The following BAZ2A variants were observed in gnomAD, a reference collection of about 807,000 sequenced individuals.
The protein encoded by BAZ2A is bromodomain adjacent to zinc finger domain protein 2A.
A neutral mutation model predicts 199.9 loss-of-function variants in BAZ2A; 34 were observed. The observed-to-expected ratio is 0.17, with a 90% CI of 0.13 to 0.23. The LOEUF (loss-of-function observed/expected upper bound fraction) is 0.23, where lower values mean the gene tolerates loss of function less well. BAZ2A is among the 10% of genes least tolerant of loss of function. The probability of loss-of-function intolerance (pLI) is 1.00; values close to 1 mark genes in which losing one functional copy is unlikely to be tolerated. For missense variants in BAZ2A, 2,002 were observed against 2,391.1 expected (o/e 0.84, Z 3.39); for synonymous variants, 857 against 883.9 (o/e 0.97, Z 0.54).
chr12:56,605,642 G>A (rs1950322470), intron 13 of BAZ2A, 188 bp downstream of exon 13: 3 of 696,296 alleles, frequency 4.3e-6, no homozygotes, highest in Admixed American at 3.1e-5. Context: ...GGCTGGTCTT[G>A]AACTGCTGGG....
upstream of BAZ2A, among the ~76,000 whole-genome samples, chr12:56,633,727 T>TTTTG (rs551108654): frequency 2.7e-5 from 4 of 150,660 alleles, no homozygotes; most frequent in Non-Finnish European, 4.4e-5. Context: ...CTTCCCCCAC[T>TTTTG]TTTGTTTGTT....
intron 7 of BAZ2A, among the ~76,000 whole-genome samples, chr12:56,611,014 C>T (rs762338537): frequency 5.3e-5 from 8 of 152,178 alleles, no homozygotes; most frequent in Non-Finnish European, 7.4e-5. Context: ...CTAAGACTAA[C>T]TCTAATCTTT....
chr12:56,630,792 C>A (rs1951288504), upstream of BAZ2A: 1 of 985,518 alleles, frequency 1.0e-6, no homozygotes, highest in South Asian at 4.7e-5. Flanking sequence ...CCCTTCAGTG[C>A]AGCCTGGTCC....
chr12:56,613,839 T>C, intron 4 of BAZ2A, 114 bp downstream of exon 4: 2 of 1,172,780 alleles, frequency 1.7e-6, no homozygotes, highest in South Asian at 1.6e-5. Flanking sequence ...TAGGCCTACC[T>C]GGAAGCCCCA....
Position 56,605,813 on chromosome 12 carries a change from T to TA in BAZ2A, c.2493+16dup. On this transcript the variant is annotated intron_variant, in intron 13 of 28. Coordinates refer to ENST00000549884, the MANE Select transcript of BAZ2A (RefSeq NM_001300905.2). The stretch of plus-strand genomic sequence containing the variant: ...TCTTCCCAGCTGACCCAGGAACTGT[T>TA]ACTCTCTCCTCACTACCTGGTGGTC... 6.2e-7 allele frequency: 1 copy of TA among 1,600,786 alleles called. No individual in the cohort carries two copies. The highest frequency in any genetic ancestry group is 8.5e-7 in the Non-Finnish European group (1 of 1,173,156).
intron 10 of BAZ2A, 27 bp from the exon 11 acceptor site, chr12:56,606,760 CAAGT>C (rs1309820178): frequency 6.3e-7 from 1 of 1,594,044 alleles, no homozygotes; most frequent in Non-Finnish European, 8.6e-7. Flanking sequence ...AAAAATGAAA[CAAGT>C]GAGGCAGGAA....
Position 56,596,239 on chromosome 12 carries a change from T to C in BAZ2A, c.*2379A>G, listed in dbSNP as rs1160538363. 6.5e-6 allele frequency: 1 copy of C among 152,744 alleles called. No individual in the cohort carries two copies. The highest frequency in any genetic ancestry group is 2.4e-5 in the African/African-American group (1 of 41,480). The allele number at this position is 152,744 out of a possible 1,614,324, so 9.5% of individuals were successfully genotyped here. A position where few individuals can be genotyped will look rare whatever the true frequency, so the allele number is the denominator to read the frequency against. ...GGTTTCTTCCTGTCAACCAGACTGATGGGAGGGAAGCAAAAGGGCAGGGGG... is the reference window on the plus strand; with the variant it reads ...GGTTTCTTCCTGTCAACCAGACTGACGGGAGGGAAGCAAAAGGGCAGGGGG... On this transcript the variant is annotated 3_prime_UTR_variant, in exon 29 of 29. Transcript: ENST00000549884.
rs1886081246 is a variant in BAZ2A, at chr12:56,598,684, G to A, written c.5646C>T (p.His1882=). 1 of 1,613,850 alleles carries A rather than the reference G, an allele frequency of 6.2e-7. No individual in the cohort carries two copies. The highest frequency in any genetic ancestry group is 8.5e-7 in the Non-Finnish European group (1 of 1,179,840). The part of the protein sequence containing the change: ...EDDSEVGKAG[H]IMRRFFESRW... ...GGCTCTCGAAGAAGCGGCGCATGAT[G>A]TGCCCAGCCTTGCCTACTTCAGAGT... Residue 1882 remains histidine, a synonymous_variant, in exon 29 of 29, where the codon CAC becomes CAT. Transcript: ENST00000549884.
chr12:56,621,506 TCTA>T (rs1343080744), intron 1 of BAZ2A, among the ~76,000 whole-genome samples: 2 of 152,092 alleles, frequency 1.3e-5, no homozygotes, highest in African/African-American at 4.8e-5. Flanking sequence ...AAATCCCAAC[TCTA>T]CTATTTACTA....
At chr12:56,626,162 C>T (rs192874004) in intron 1 of BAZ2A, among the ~76,000 whole-genome samples, 2 of 152,166 alleles carry the variant, frequency 1.3e-5, no homozygotes, top group Non-Finnish European at 2.9e-5. Flanking sequence ...GTCCTACTGA[C>T]CCACATGAGA....
intron 12 of BAZ2A, 39 bp downstream of exon 12, chr12:56,606,208 C>T: frequency 6.2e-7 from 1 of 1,612,968 alleles, no homozygotes; most frequent in Non-Finnish European, 8.5e-7. Flanking sequence ...AGTTTAGTGG[C>T]TTCGAAATTA....
At chr12:56,631,588 C>T (rs1167615506), upstream of BAZ2A, among the ~76,000 whole-genome samples, 1 of 152,142 alleles carries the variant, frequency 6.6e-6, no homozygotes, top group Non-Finnish European at 1.5e-5. Flanking sequence ...ACCAGGTTTC[C>T]TTTCCTTGCA....
chr12:56,608,147 C>T (rs1052012885), intron 10 of BAZ2A, among the ~76,000 whole-genome samples: 7 of 150,516 alleles, frequency 4.7e-5, no homozygotes, highest in Non-Finnish European at 7.4e-5. Flanking sequence ...TCGAGGTGGG[C>T]GGATCACGAG....
chr12:56,632,961 C>A (rs1238410623), upstream of BAZ2A, among the ~76,000 whole-genome samples: 1 of 152,156 alleles, frequency 6.6e-6, no homozygotes, highest in Non-Finnish European at 1.5e-5. Flanking sequence ...TGATCACCCA[C>A]CCACCTCTCT....
chr12:56,622,214 C>G (rs1321217254), intron 1 of BAZ2A, among the ~76,000 whole-genome samples: 16 of 151,996 alleles, frequency 1.1e-4, no homozygotes, highest in Admixed American at 1.0e-3. Context: ...GTGGCGGGCA[C>G]CTGTAATCCC....
At chr12:56,604,371 GA>G in intron 15 of BAZ2A, 80 bp from the exon 16 acceptor site, 3 of 1,445,256 alleles carry the variant, frequency 2.1e-6, no homozygotes, top group Non-Finnish European at 9.5e-7. Context: ...GGCTGCAGCT[GA>G]AAAAGGAGTT....
chr12:56,608,120 C>T (rs1950425804), intron 10 of BAZ2A, among the ~76,000 whole-genome samples: 1 of 149,982 alleles, frequency 6.7e-6, no homozygotes, highest in African/African-American at 2.5e-5. Context: ...CACCTGTAAT[C>T]CCAGCACTTT....
At position 56,598,945 on chromosome 12, in the gene BAZ2A, A is replaced by G; in HGVS notation, c.5469T>C (p.Arg1823=). 1 of 1,609,208 alleles carries G rather than the reference A, an allele frequency of 6.2e-7. No homozygotes were observed. Among genetic ancestry groups the G allele is most frequent in the Non-Finnish European group, 8.5e-7 (1 of 1,177,840 alleles). Residue 1823 remains arginine (R), a synonymous_variant, in exon 28 of 29, where the codon CGT becomes CGC. Coordinates refer to ENST00000549884, the MANE Select transcript of BAZ2A (RefSeq NM_001300905.2). ...AWPFLEPVNP[R]LVSGYRRIIK... is the part of the protein sequence containing the mutation. The stretch of plus-strand genomic sequence containing the variant: ...TGATGCGCCGGTACCCACTCACCAA[A>G]CGTGGGTTCACAGGCTCTAGGAAAG...
chr12:56,618,667 C>T (rs1381683559), intron 1 of BAZ2A, among the ~76,000 whole-genome samples: 4 of 150,906 alleles, frequency 2.7e-5, no homozygotes, highest in Non-Finnish European at 5.9e-5. Flanking sequence ...GTCAGGAGTT[C>T]GAGACCAGCC....
Sources: allele counts gnomAD v4.1 joint callset (sites outside exome capture counted in the v4.1 genomes callset), GRCh38; gene constraint gnomAD v4.1.1; transcripts MANE v1.5; gene names NCBI Gene and HGNC (gene_info 2026-07-23, HGNC 2026-07-21).